Variants in USP15 observed in about 807,000 individuals in gnomAD.
USP15 encodes the protein ubiquitin carboxyl-terminal hydrolase 15.
In USP15, 18 loss-of-function variants were observed where a neutral mutation model predicts 127.1. The ratio of observed to expected loss-of-function variants is 0.14; its 90% CI spans 0.10 to 0.21. The LOEUF (loss-of-function observed/expected upper bound fraction) is 0.21. Among genes scored for constraint, USP15 ranks in the 10% least tolerant of loss-of-function variants. USP15 has a pLI of 1.00. For missense variants in USP15, 805 were observed against 1,159.9 expected (o/e 0.69, Z 4.44); for synonymous variants, 364 against 393.7 (o/e 0.92, Z 0.89).
At chr12:62,305,458 G>A (rs886732840) in intron 3 of USP15, 7 of 152,108 alleles carry the variant, frequency 4.6e-5, no homozygotes, top group Non-Finnish European at 1.0e-4. Flanking sequence ...CTTCAGGGAT[G>A]AAGGTGAAAA....
intron 6 of USP15, among the ~76,000 whole-genome samples, chr12:62,342,315 C>A (rs770723348): frequency 3.3e-5 from 5 of 151,918 alleles, no homozygotes; most frequent in Non-Finnish European, 7.4e-5. Context: ...TTCCTGTAAC[C>A]TTTTATCAAG....
rs1387277458 is a variant in USP15, at chr12:62,390,009, C to T, written c.1844+21C>T. 2.6e-6 allele frequency: 4 copies of T among 1,540,688 alleles called. No homozygotes were observed. The South Asian group carries it at 3.7e-5, about 14-fold the overall frequency. ...ATGTGGTAAGTGCCAGACAATTCTA[C>T]ATTGACAAAATAAATATGGGAATAA... On this transcript the variant is annotated intron_variant, in intron 14 of 21. Transcript: ENST00000280377.
intron 3 of USP15, 161 bp downstream of exon 3, chr12:62,303,081 A>G: frequency 1.4e-6 from 1 of 736,734 alleles, no homozygotes; most frequent in South Asian, 2.1e-5. Context: ...ACATGTTAAG[A>G]AGGTTTACTT....
chr12:62,319,332 A>T (rs773975605), intron 4 of USP15, among the ~76,000 whole-genome samples: 1 of 152,166 alleles, frequency 6.6e-6, no homozygotes, highest in African/African-American at 2.4e-5. Context: ...TGGGGATTAC[A>T]ATTTGGCATG....
At chr12:62,345,164 T>G (rs1394160290) in intron 6 of USP15, among the ~76,000 whole-genome samples, 1 of 152,210 alleles carries the variant, frequency 6.6e-6, no homozygotes, top group Non-Finnish European at 1.5e-5. Flanking sequence ...TCTGTTCCCA[T>G]TATAAAACTG....
intron 8 of USP15, among the ~76,000 whole-genome samples, chr12:62,359,264 TA>T (rs1242190785): frequency 7.0e-6 from 1 of 143,574 alleles, no homozygotes; most frequent in African/African-American, 2.6e-5. Context: ...AAGAAACACA[TA>T]AAAAACTAAT....
chr12:62,391,372 T>G lies in USP15; in HGVS notation c.2176T>G (p.Tyr726Asp). ...CAACTTAGGCAATACTGATATCAAC[T>G]ACATCAAAGATGATACCAGGCATAT... Reference protein sequence around the residue: ...FNNLGNTDINYIKDDTRHIRF... With the variant: ...FNNLGNTDINDIKDDTRHIRF... Residue 726 changes from tyrosine (Y) to aspartate (D), a missense_variant, in exon 16 of 22, where the codon TAC becomes GAC. Coordinates refer to ENST00000280377, the MANE Select transcript of USP15 (RefSeq NM_001252078.2). 1 of 1,612,928 alleles carries G rather than the reference T, an allele frequency of 6.2e-7. No individual in the cohort carries two copies. Among genetic ancestry groups the G allele is most frequent in the Non-Finnish European group, 8.5e-7 (1 of 1,179,470 alleles).
intron 19 of USP15, among the ~76,000 whole-genome samples, chr12:62,394,956 G>A (rs140329383): frequency 6.6e-6 from 1 of 151,622 alleles, no homozygotes; most frequent in East Asian, 1.9e-4. Flanking sequence ...AATACAAGAA[G>A]AACAACCAGA....
intron 21 of USP15, 42 bp from the exon 22 acceptor site, chr12:62,404,151 C>A (rs1192955888): frequency 6.6e-7 from 1 of 1,511,138 alleles, no homozygotes; most frequent in Admixed American, 2.1e-5. Flanking sequence ...TTAACGTGAT[C>A]TTTGAGAATC....
chr12:62,381,771 C>T (rs2066997282), intron 9 of USP15, 108 bp downstream of exon 9: 3 of 1,101,686 alleles, frequency 2.7e-6, no homozygotes. Context: ...GTTTGTGGCC[C>T]TCCAAAGGAA....
At chr12:62,338,254 GT>G (rs749633031) in intron 6 of USP15, among the ~76,000 whole-genome samples, 9 of 152,030 alleles carry the variant, frequency 5.9e-5, no homozygotes, top group Admixed American at 1.3e-4. Flanking sequence ...TTTTTCATAT[GT>G]TTTTGGCTGC....
intron 21 of USP15, among the ~76,000 whole-genome samples, chr12:62,403,453 A>G (rs780186901): frequency 1.8e-4 from 27 of 152,090 alleles, no homozygotes; most frequent in Non-Finnish European, 3.5e-4. Flanking sequence ...GAGATTGACC[A>G]AAAGAACTGG....
intron 2 of USP15, among the ~76,000 whole-genome samples, chr12:62,299,032 C>A (rs542195841): frequency 6.6e-6 from 1 of 152,124 alleles, no homozygotes; most frequent in African/African-American, 2.4e-5. Flanking sequence ...TGCCACCCCC[C>A]ACTCTAGACA....
At chr12:62,319,067 T>C (rs1242566842) in intron 4 of USP15, among the ~76,000 whole-genome samples, 1 of 152,190 alleles carries the variant, frequency 6.6e-6, no homozygotes, top group Non-Finnish European at 1.5e-5. Flanking sequence ...AGAGGTTTAA[T>C]TGACTTACAG....
chr12:62,272,863 T>C (rs1332518082), intron 1 of USP15, among the ~76,000 whole-genome samples: 4 of 152,102 alleles, frequency 2.6e-5, no homozygotes, highest in South Asian at 4.1e-4. Flanking sequence ...ATGTAAGTTT[T>C]TGACGTAGTA....
intron 8 of USP15, among the ~76,000 whole-genome samples, chr12:62,373,100 T>C (rs1452712188): frequency 6.6e-6 from 1 of 152,086 alleles, no homozygotes; most frequent in Non-Finnish European, 1.5e-5. Flanking sequence ...CACAGAGACT[T>C]CCACTTTTAT....
intron 8 of USP15, among the ~76,000 whole-genome samples, chr12:62,368,580 T>C (rs1266342003): frequency 6.6e-6 from 1 of 152,220 alleles, no homozygotes; most frequent in Non-Finnish European, 1.5e-5. Context: ...CTTTGTCTCT[T>C]TTGATCCTTG....
chr12:62,322,101 TTGAAAGG>T (rs1374106534), intron 5 of USP15, among the ~76,000 whole-genome samples: 1 of 152,172 alleles, frequency 6.6e-6, no homozygotes, highest in Non-Finnish European at 1.5e-5. Flanking sequence ...CCAGCCCTTG[TTGAAAGG>T]TGTCAGCTCC....
At chr12:62,374,412 A>G in intron 8 of USP15, 2 of 985,730 alleles carry the variant, frequency 2.0e-6, no homozygotes. Context: ...TAAAATAGTG[A>G]GCATACATGA....
Sources: gnomAD v4.1 joint callset for allele counts (sites outside exome capture counted in the v4.1 genomes callset) on GRCh38, gnomAD v4.1.1 for gene constraint, MANE v1.5 for transcripts, NCBI Gene and HGNC (gene_info 2026-07-23, HGNC 2026-07-21) for gene names.